AFF1: variants seen among roughly 807,000 people sequenced by gnomAD.
The protein encoded by AFF1 is AF4/FMR2 family member 1.
AFF1 carries 48 observed loss-of-function variants against 121.7 expected under a neutral mutation model. That is an observed-to-expected ratio of 0.39 (90% CI 0.31 to 0.50). AFF1 has a LOEUF of 0.50. AFF1 is among the 20% of genes least tolerant of loss of function. The pLI is 0.76. For missense variants in AFF1, 1,523 were observed against 1,511.7 expected (o/e 1.01, Z -0.12); for synonymous variants, 613 against 563.0 (o/e 1.09, Z -1.26).
intron 4 of AFF1, among the ~76,000 whole-genome samples, chr4:87,049,501 T>C (rs993084588): frequency 6.6e-6 from 1 of 152,208 alleles, no homozygotes; most frequent in Non-Finnish European, 1.5e-5. Flanking sequence ...ATTTTGAACA[T>C]AGGACTATGT....
rs1445291852 is a variant in AFF1 at position 87,046,907 on chromosome 4, C to T, written c.372C>T (p.His124=). The change falls in exon 4 of 21, where the codon CAC becomes CAT. Residue 124 remains histidine, a synonymous_variant. Transcript: ENST00000395146. ...FHTSVHHQSI[H]TPASGPLSVG... ...CTAGTGTCCACCACCAGTCCATTCA[C>T]ACTCCTGCGTCTGGACCACTTTCTG... is the stretch of plus-strand genomic sequence containing the variant. 6.8e-6 allele frequency: 11 copies of T among 1,614,116 alleles called. No homozygotes were observed. The highest frequency in any genetic ancestry group is 9.3e-6 in the Non-Finnish European group (11 of 1,180,066).
chr4:86,991,337 C>T (rs1242823817), intron 2 of AFF1, among the ~76,000 whole-genome samples: 1 of 151,542 alleles, frequency 6.6e-6, no homozygotes, highest in Non-Finnish European at 1.5e-5. Context: ...CCCAGCTACT[C>T]GGGAGGCTGA....
Position 87,046,789 on chromosome 4 carries a change from A to C in AFF1, c.254A>C (p.His85Pro). 1 of 1,614,214 alleles carries C rather than the reference A, an allele frequency of 6.2e-7. No individual in the cohort carries two copies. The highest frequency in any genetic ancestry group is 8.5e-7 in the Non-Finnish European group (1 of 1,180,038). The change falls in exon 4 of 21, where the codon CAT (histidine) becomes CCT (proline). Residue 85 changes from histidine (H) to proline (P), a missense_variant. This residue lies in a region of AFF1 where 369 missense variants were observed against 367.2 expected (regional missense o/e 1.00). Coordinates refer to ENST00000395146, the MANE Select transcript of AFF1 (RefSeq NM_001166693.3). Reference sequence around the variant, plus strand: ...TTCCTTAGTACTAAGTCTCACACTCATCGCCTGGATGCTTCTGAAAATAGG... The same window carrying C: ...TTCCTTAGTACTAAGTCTCACACTCCTCGCCTGGATGCTTCTGAAAATAGG... Reference protein sequence around the residue: ...KEFLSTKSHTHRLDASENRLG... With the variant: ...KEFLSTKSHTPRLDASENRLG...
Position 87,139,543 on chromosome 4 carries a change from A to G in AFF1, c.*3842A>G, listed in dbSNP as rs113539524. On this transcript the variant is annotated 3_prime_UTR_variant, in exon 21 of 21. Coordinates refer to ENST00000395146, the MANE Select transcript of AFF1 (RefSeq NM_001166693.3). ...GCTTTCTTTAGAAACACAAGAGTAT[A>G]GATTTTTCTCACTGAAAAGTGAGAG... is the stretch of plus-strand genomic sequence containing the variant. 556 of 230,770 alleles carry G rather than the reference A, an allele frequency of 2.4e-3. 4 individuals carry two copies. Among genetic ancestry groups the G allele is most frequent in the African/African-American group, 0.012 (532 of 45,302 alleles). 14.3% of individuals were successfully genotyped at this position (230,770 alleles called of 1,614,324 possible).
intron 12 of AFF1, among the ~76,000 whole-genome samples, chr4:87,118,228 G>A (rs1251610617): frequency 6.6e-6 from 1 of 152,208 alleles, no homozygotes; most frequent in Non-Finnish European, 1.5e-5. Flanking sequence ...ACTTAAAAGT[G>A]TATGAAGATG....
At chr4:87,063,265 G>A (rs1303981525) in intron 4 of AFF1, among the ~76,000 whole-genome samples, 2 of 41,258 alleles carry the variant, frequency 4.8e-5, no homozygotes, top group Non-Finnish European at 1.0e-4. Flanking sequence ...TTGAGACAGA[G>A]TTTTGCTCTT....
At chr4:87,087,677 A>T (rs946247934) in intron 5 of AFF1, among the ~76,000 whole-genome samples, 2 of 152,124 alleles carry the variant, frequency 1.3e-5, no homozygotes, top group Non-Finnish European at 2.9e-5. Flanking sequence ...GAAGTATATA[A>T]ATCCTTTCAG....
intron 11 of AFF1, among the ~76,000 whole-genome samples, chr4:87,108,889 G>T (rs992561554): frequency 2.0e-5 from 3 of 152,188 alleles, no homozygotes; most frequent in African/African-American, 7.2e-5. Flanking sequence ...GGACGATGGT[G>T]TTTGCTTGTC....
At chr4:87,037,526 T>A (rs1173663085) in intron 2 of AFF1, among the ~76,000 whole-genome samples, 1 of 152,134 alleles carries the variant, frequency 6.6e-6, no homozygotes, top group Non-Finnish European at 1.5e-5. Flanking sequence ...TTCGCCAGGC[T>A]AGTCTTGAAC....
intron 2 of AFF1, among the ~76,000 whole-genome samples, chr4:87,032,223 A>G (rs899120955): frequency 2.0e-5 from 3 of 152,230 alleles, no homozygotes; most frequent in Non-Finnish European, 4.4e-5. Flanking sequence ...GAATATTTAG[A>G]AACATGTAAC....
At position 87,139,241 on chromosome 4, in the gene AFF1, A is replaced by G. The variant is rs1167543066; in HGVS notation, c.*3540A>G. The G allele has an allele frequency of 4.3e-6, 1 of 232,542 alleles. No homozygotes were observed. Among genetic ancestry groups the G allele is most frequent in the African/African-American group, 2.2e-5 (1 of 45,296 alleles). The allele number at this position is 232,542 out of a possible 1,614,324, so 14.4% of individuals were successfully genotyped here. A position where few individuals can be genotyped will look rare whatever the true frequency, so the allele number is the denominator to read the frequency against. On this transcript the variant is annotated 3_prime_UTR_variant, in exon 21 of 21. Transcript: ENST00000395146. ...TTCGCCATGGCTTCAGGGATGCTAC[A>G]TGGCTCTTGCACCTTTTACTCCTCT...
At chr4:87,044,887 G>T (rs1485146563) in intron 2 of AFF1, among the ~76,000 whole-genome samples, 1 of 151,992 alleles carries the variant, frequency 6.6e-6, no homozygotes, top group Admixed American at 6.6e-5. Flanking sequence ...GAGTAGATCT[G>T]CGTCAGATTA....
intron 11 of AFF1, among the ~76,000 whole-genome samples, chr4:87,112,712 C>T (rs1027696083): frequency 1.5e-4 from 23 of 152,330 alleles, no homozygotes; most frequent in African/African-American, 5.5e-4. Context: ...TTTCCATCTA[C>T]CGGAGTGTTC....
intron 5 of AFF1, among the ~76,000 whole-genome samples, chr4:87,085,316 A>G (rs1004677689): frequency 2.0e-5 from 3 of 152,284 alleles, no homozygotes; most frequent in Admixed American, 6.5e-5. Flanking sequence ...GCTCAGGTAC[A>G]GTAATTGTAA....
Position 87,114,564 on chromosome 4 carries a change from C to A in AFF1, c.1731C>A (p.Ala577=), listed in dbSNP as rs1294458894. The change falls in exon 12 of 21, where the codon GCC becomes GCA. Residue 577 remains alanine, a synonymous_variant. Transcript: ENST00000395146. ...CTCCCCCTAAAAGCTCCAGCAAAGC[C>A]CCCCGGGCCCCACCCGAAGCCCCCC... is the stretch of plus-strand genomic sequence containing the variant. The part of the protein sequence containing the change: ...KDPPPKSSSK[A]PRAPPEAPHP... The A allele has an allele frequency of 1.2e-6, 2 of 1,604,886 alleles. No individual in the cohort carries two copies. Among genetic ancestry groups the A allele is most frequent in the Admixed American group, 1.7e-5 (1 of 59,262 alleles).
intron 2 of AFF1, among the ~76,000 whole-genome samples, chr4:86,981,230 T>A (rs1212346746): frequency 6.6e-6 from 1 of 152,154 alleles, no homozygotes; most frequent in Non-Finnish European, 1.5e-5. Flanking sequence ...GCCAGGATGG[T>A]CTCGATCTCC....
At chr4:87,007,119 T>C in intron 2 of AFF1, 1 of 1,271,300 alleles carries the variant, frequency 7.9e-7, no homozygotes, top group Non-Finnish European at 9.9e-7. Context: ...GGCGCTCGCT[T>C]GCCCCGGATT....
intron 2 of AFF1, among the ~76,000 whole-genome samples, chr4:86,963,451 G>A (rs1177509044): frequency 6.6e-6 from 1 of 152,130 alleles, no homozygotes; most frequent in East Asian, 1.9e-4. Context: ...CTGGGATGGA[G>A]GTAGATTAGT....
chr4:87,114,668 C>T lies in AFF1; in HGVS notation c.1835C>T (p.Pro612Leu). 1 of 1,613,502 alleles carries T rather than the reference C, an allele frequency of 6.2e-7. No individual in the cohort carries two copies. The highest frequency in any genetic ancestry group is 8.5e-7 in the Non-Finnish European group (1 of 1,179,894). The part of the protein sequence containing the change: ...PQRQTVGTKQ[P>L]KKPVKASARA... ...AGGCAAACCGTTGGAACCAAACAAC[C>T]CAAAAAACCTGTCAAGGCCTCTGCC... is the stretch of plus-strand genomic sequence containing the variant. The change falls in exon 12 of 21, where the codon CCC (proline) becomes CTC (leucine). Residue 612 changes from proline (P) to leucine (L), a missense_variant. Pro to Leu is a moderately conservative substitution (Grantham distance 98, BLOSUM62 -3). Around this residue, in one of 5 missense-constraint regions of AFF1, gnomAD observed 905 missense variants for 842.5 expected, o/e 1.07. Transcript: ENST00000395146.
Sources: allele counts gnomAD v4.1 joint callset (sites outside exome capture counted in the v4.1 genomes callset), GRCh38; gene constraint gnomAD v4.1.1; regional missense constraint gnomAD v4.1.1; transcripts MANE v1.5; gene names NCBI Gene and HGNC (gene_info 2026-07-23, HGNC 2026-07-21).